Variants in PDZD2 observed in about 807,000 individuals in gnomAD.
PDZD2 encodes the protein PDZ domain-containing protein 2.
PDZD2 carries 90 observed loss-of-function variants against 220.7 expected under a neutral mutation model. That is an observed-to-expected ratio of 0.41 (90% CI 0.34 to 0.49). The LOEUF is 0.49. Among genes scored for constraint, PDZD2 ranks in the 20% least tolerant of loss-of-function variants. PDZD2 has a pLI of 0.28. For missense variants in PDZD2, 3,174 were observed against 3,608.5 expected, an observed-to-expected ratio of 0.88 and a Z score of 3.08; for synonymous variants, 1,375 against 1,450.5, an observed-to-expected ratio of 0.95 and a Z score of 1.18.
At chr5:31,741,514 C>T (rs916980785) in intron 1 of PDZD2, among the ~76,000 whole-genome samples, 1 of 152,136 alleles carries the variant, frequency 6.6e-6, no homozygotes, top group Admixed American at 6.5e-5. Flanking sequence ...GGACTGGACT[C>T]TAGTAAAATA....
intron 2 of PDZD2, among the ~76,000 whole-genome samples, chr5:31,809,494 C>T (rs563732307): frequency 3.9e-5 from 6 of 152,096 alleles, no homozygotes; most frequent in Non-Finnish European, 5.9e-5. Flanking sequence ...CCTCAGGAGT[C>T]GCACTAATGA....
chr5:31,790,472 G>A (rs1753637698), intron 1 of PDZD2, among the ~76,000 whole-genome samples: 1 of 152,080 alleles, frequency 6.6e-6, no homozygotes, highest in African/African-American at 2.4e-5. Flanking sequence ...CCTTTTCTGG[G>A]GGCTGAACAT....
intron 10 of PDZD2, among the ~76,000 whole-genome samples, chr5:32,054,284 C>A (rs1169154101): frequency 6.9e-6 from 1 of 144,928 alleles, no homozygotes; most frequent in Non-Finnish European, 1.5e-5. Context: ...AAATCAACCA[C>A]CACATAGTCT....
At chr5:32,086,651 A>G (rs1742479285) in intron 19 of PDZD2, among the ~76,000 whole-genome samples, 1 of 148,410 alleles carries the variant, frequency 6.7e-6, no homozygotes. Flanking sequence ...CATTTAGGCC[A>G]CAGAACGCCG....
intron 2 of PDZD2, among the ~76,000 whole-genome samples, chr5:31,815,302 A>G (rs2150247817): frequency 6.6e-6 from 1 of 150,482 alleles, no homozygotes; most frequent in East Asian, 1.9e-4. Context: ...TCAGACTGTA[A>G]AAGGTGCTAG....
chr5:31,936,114 A>G, intron 2 of PDZD2: 5 of 987,672 alleles, frequency 5.1e-6, no homozygotes, highest in Non-Finnish European at 6.0e-6. Flanking sequence ...CAGGAGGTGA[A>G]GCCGGGAGGA....
At chr5:31,852,141 C>T (rs1480482310) in intron 2 of PDZD2, among the ~76,000 whole-genome samples, 1 of 152,132 alleles carries the variant, frequency 6.6e-6, no homozygotes, top group Non-Finnish European at 1.5e-5. Context: ...AGGCGTGAGC[C>T]ACCGTGTCTG....
intron 1 of PDZD2, among the ~76,000 whole-genome samples, chr5:31,652,950 T>G (rs1478887444): frequency 6.6e-6 from 1 of 151,956 alleles, no homozygotes; most frequent in Non-Finnish European, 1.5e-5. Context: ...AGGCGGAGGT[T>G]TCAGTGAGCC....
intron 22 of PDZD2, among the ~76,000 whole-genome samples, chr5:32,097,587 T>C (rs1257237888): frequency 6.6e-6 from 1 of 152,220 alleles, no homozygotes; most frequent in Admixed American, 6.5e-5. Context: ...CTGACATGTA[T>C]AGGCCATTTC....
chr5:32,087,041 TA>T lies in PDZD2; in HGVS notation c.3683-88del. 2.7e-6 allele frequency: 2 copies of T among 727,878 alleles called. No homozygotes were observed. The highest frequency in any genetic ancestry group is 4.9e-5 in the Admixed American group (2 of 40,874). The allele number at this position is 727,878 out of a possible 1,614,324, so 45.1% of individuals were successfully genotyped here. A position where few individuals can be genotyped will look rare whatever the true frequency, so the allele number is the denominator to read the frequency against. On this transcript the variant is annotated intron_variant, in intron 19 of 24. Coordinates refer to ENST00000438447, the MANE Select transcript of PDZD2 (RefSeq NM_178140.4). This position sits in a 1 kb window ranked among gnomAD's most constrained non-coding sequence, Gnocchi z 4.0. ...TTGTTTATAATTTTCTAGTTTTTAA[TA>T]ATTGAGGGGCTGCTTTCTTATATTA... is the stretch of plus-strand genomic sequence containing the variant.
intron 2 of PDZD2, among the ~76,000 whole-genome samples, chr5:31,818,718 C>T (rs1158791681): frequency 6.6e-6 from 1 of 152,114 alleles, no homozygotes; most frequent in Non-Finnish European, 1.5e-5. Flanking sequence ...CCCCGTCTCT[C>T]CTCCCACACT....
intron 1 of PDZD2, among the ~76,000 whole-genome samples, chr5:31,669,673 A>G (rs1486193668): frequency 6.6e-6 from 1 of 152,208 alleles, no homozygotes; most frequent in Non-Finnish European, 1.5e-5. Flanking sequence ...GGATCAATCA[A>G]CAGGAAAAAT....
intron 1 of PDZD2, chr5:31,738,146 G>A (rs1208767025): frequency 6.6e-6 from 1 of 152,216 alleles, no homozygotes; most frequent in East Asian, 1.9e-4. Flanking sequence ...GTTCCAGAGA[G>A]CTGAGAAAAT....
In PDZD2 at chr5:32,074,370, A is replaced by C. The variant is rs766410177; in HGVS notation, c.3264A>C (p.Glu1088Asp). 3 of 1,614,184 alleles carry C rather than the reference A, an allele frequency of 1.9e-6. No homozygotes were observed. The highest frequency in any genetic ancestry group is 2.5e-6 in the Non-Finnish European group (3 of 1,180,032). Residue 1088 changes from glutamate (E) to aspartate (D), a missense_variant, in exon 18 of 25, where the codon GAA becomes GAC. Coordinates refer to ENST00000438447, the MANE Select transcript of PDZD2 (RefSeq NM_178140.4). ...LSGSSSAPKL[E>D]YTVRTDTQSP... Reference sequence around the variant, plus strand: ...GATCAAGTAGCGCACCCAAATTGGAATACACAGTCCGTACAGACACCCAGA... The same window carrying C: ...GATCAAGTAGCGCACCCAAATTGGACTACACAGTCCGTACAGACACCCAGA...
chr5:31,740,558 A>AAAAAAAAAAAC (rs1475550222), intron 1 of PDZD2, among the ~76,000 whole-genome samples: 9 of 141,516 alleles, frequency 6.4e-5, no homozygotes, highest in Admixed American at 2.2e-4. Context: ...AAAAAAAAAA[A>AAAAAAAAAAAC]TCTGCTGTTG....
intron 1 of PDZD2, among the ~76,000 whole-genome samples, chr5:31,643,892 C>T (rs1168804307): frequency 6.6e-6 from 1 of 151,786 alleles, no homozygotes; most frequent in African/African-American, 2.4e-5. Context: ...GACCACGGCT[C>T]ACAGCAGCCT....
At chr5:31,775,334 T>C (rs1752576903) in intron 1 of PDZD2, among the ~76,000 whole-genome samples, 1 of 147,068 alleles carries the variant, frequency 6.8e-6, no homozygotes, top group African/African-American at 2.7e-5. Flanking sequence ...AGAGATGTAA[T>C]TGAAAAAAAA....
intron 7 of PDZD2, among the ~76,000 whole-genome samples, chr5:32,038,239 T>C (rs1293016765): frequency 7.5e-6 from 1 of 134,112 alleles, no homozygotes; most frequent in Non-Finnish European, 1.6e-5. Context: ...GGTATAAAGA[T>C]ACAGCTGGAG....
At chr5:31,664,496 A>G (rs1745905110) in intron 1 of PDZD2, among the ~76,000 whole-genome samples, 1 of 151,992 alleles carries the variant, frequency 6.6e-6, no homozygotes, top group African/African-American at 2.4e-5. Context: ...GCATGCGTAC[A>G]CACACATACA....
Sources: allele counts gnomAD v4.1 joint callset (sites outside exome capture counted in the v4.1 genomes callset), GRCh38; gene constraint gnomAD v4.1.1; non-coding constraint Gnocchi (gnomAD v3.1); transcripts MANE v1.5; gene names NCBI Gene and HGNC (gene_info 2026-07-23, HGNC 2026-07-21).